DGKB: variants seen among roughly 807,000 people sequenced by gnomAD.
DGKB encodes diacylglycerol kinase beta.
Under a neutral mutation model 114.3 loss-of-function variants are expected in DGKB, and 67 were observed. That is an observed-to-expected ratio of 0.59 (90% CI 0.48 to 0.72). The LOEUF (loss-of-function observed/expected upper bound fraction) is 0.72. Ranked by LOEUF, DGKB falls within the 30% of genes least tolerant of loss-of-function variation. The pLI, the probability that DGKB is intolerant of heterozygous loss-of-function variation, is 0.00. For missense variants in DGKB, 907 were observed against 975.2 expected (o/e 0.93, Z 0.93); for synonymous variants, 398 against 323.1 (o/e 1.23, Z -2.49).
intron 23 of DGKB, among the ~76,000 whole-genome samples, chr7:14,228,916 A>G (rs1211283157): frequency 1.2e-5 from 1 of 82,808 alleles, no homozygotes; most frequent in East Asian, 5.6e-4. Flanking sequence ...GTTCAAAAAT[A>G]ATTTGCTGTG....
rs114790736 is a variant in DGKB at position 14,279,517 on chromosome 7, G to T, written c.2122+58998C>A. ...TTTGGAGAGAGCGGTGGTTCTCCCA[G>T]TACGCAGCTGGAGATGAAATTCTGG... On this transcript the variant is annotated intron_variant, in intron 23 of 25. Transcript: ENST00000402815. 1.9e-3 allele frequency among the ~76,000 whole-genome samples: 286 copies of T among 152,342 alleles called. 3 individuals are homozygous for T. Among genetic ancestry groups the T allele is most frequent in the African/African-American group, 6.4e-3 (266 of 41,588 alleles).
At chr7:14,468,926 A>G (rs183745341) in intron 21 of DGKB, among the ~76,000 whole-genome samples, 1 of 152,236 alleles carries the variant, frequency 6.6e-6, no homozygotes, top group Admixed American at 6.5e-5. Context: ...AACCCTAGGA[A>G]TCGAAAGGCA....
intron 5 of DGKB, among the ~76,000 whole-genome samples, chr7:14,729,288 A>T (rs1488905328): frequency 2.3e-5 from 3 of 131,842 alleles, no homozygotes; most frequent in African/African-American, 5.1e-5. Context: ...ACATCCGGCT[A>T]ATTTTTTGTA....
chr7:14,548,140 A>G (rs1417187234), intron 20 of DGKB, among the ~76,000 whole-genome samples: 1 of 152,188 alleles, frequency 6.6e-6, no homozygotes, highest in Non-Finnish European at 1.5e-5. Flanking sequence ...GAGCTAAAGA[A>G]GTCTGTCTAG....
At chr7:14,154,348 G>C (rs1424673912) in intron 25 of DGKB, among the ~76,000 whole-genome samples, 1 of 151,796 alleles carries the variant, frequency 6.6e-6, no homozygotes, top group Non-Finnish European at 1.5e-5. Flanking sequence ...ATTTTTTATT[G>C]ATTTAAACAA....
chr7:14,722,470 C>A (rs913112357), intron 5 of DGKB, among the ~76,000 whole-genome samples: 4 of 152,014 alleles, frequency 2.6e-5, no homozygotes, highest in Non-Finnish European at 4.4e-5. Context: ...TCTGGATGTA[C>A]TACAGTTTAT....
chr7:14,624,418 A>G (rs1398890081), intron 14 of DGKB, among the ~76,000 whole-genome samples: 2 of 152,198 alleles, frequency 1.3e-5, no homozygotes, highest in Non-Finnish European at 2.9e-5. Flanking sequence ...ATAAAATTCA[A>G]TTTGATTAGT....
chr7:14,752,873 C>T (rs1468299295), intron 4 of DGKB, among the ~76,000 whole-genome samples: 2 of 152,032 alleles, frequency 1.3e-5, no homozygotes, highest in African/African-American at 4.8e-5. Context: ...GAAAACAAAT[C>T]ATTTACTCCA....
At chr7:14,793,168 T>C (rs1410094888) in intron 2 of DGKB, among the ~76,000 whole-genome samples, 3 of 152,104 alleles carry the variant, frequency 2.0e-5, no homozygotes, top group Admixed American at 6.6e-5. Context: ...TAATAACAAT[T>C]CTACATAAAT....
chr7:14,382,381 T>G (rs1305369623), intron 21 of DGKB, among the ~76,000 whole-genome samples: 1 of 15,306 alleles, frequency 6.5e-5, no homozygotes, highest in Admixed American at 5.5e-4. Context: ...AATACATAGT[T>G]TTTTTTTTTT....
intron 23 of DGKB, among the ~76,000 whole-genome samples, chr7:14,209,867 A>G (rs1787471826): frequency 6.7e-6 from 1 of 149,230 alleles, no homozygotes; most frequent in Non-Finnish European, 1.5e-5. Flanking sequence ...TATCTGGCAA[A>G]TTGAAAAGGT....
chr7:14,247,189 A>G (rs1794609242), intron 23 of DGKB, among the ~76,000 whole-genome samples: 1 of 152,160 alleles, frequency 6.6e-6, no homozygotes, highest in South Asian at 2.1e-4. Context: ...AGGCTGAAAA[A>G]TATTCCACTG....
At chr7:14,232,906 A>G (rs1482963724) in intron 23 of DGKB, among the ~76,000 whole-genome samples, 36 of 152,044 alleles carry the variant, frequency 2.4e-4, no homozygotes, top group Admixed American at 2.3e-3. Context: ...AAACTTCTTT[A>G]CAAGCTCTAA....
At chr7:14,745,700 G>A (rs2128420758) in intron 4 of DGKB, among the ~76,000 whole-genome samples, 1 of 152,302 alleles carries the variant, frequency 6.6e-6, no homozygotes, top group East Asian at 1.9e-4. Context: ...GTGGTGGCCT[G>A]GTATTCAATT....
At chr7:14,695,606 T>C (rs1164144014) in intron 8 of DGKB, among the ~76,000 whole-genome samples, 1 of 146,770 alleles carries the variant, frequency 6.8e-6, no homozygotes, top group Non-Finnish European at 1.5e-5. Flanking sequence ...TTCACGCCAT[T>C]CTCCTGCCTC....
chr7:14,203,749 A>C (rs1786292384), intron 23 of DGKB, among the ~76,000 whole-genome samples: 1 of 152,012 alleles, frequency 6.6e-6, no homozygotes, highest in Admixed American at 6.6e-5. Context: ...GAGTTTGTTC[A>C]GATAGGATAA....
At chr7:14,461,717 G>A (rs1833108194) in intron 21 of DGKB, among the ~76,000 whole-genome samples, 1 of 151,860 alleles carries the variant, frequency 6.6e-6, no homozygotes, top group African/African-American at 2.4e-5. Flanking sequence ...ACTATTCCAG[G>A]TGATAGAAAA....
chr7:14,424,982 C>T (rs953408442), intron 21 of DGKB, among the ~76,000 whole-genome samples: 1 of 152,066 alleles, frequency 6.6e-6, no homozygotes, highest in African/African-American at 2.4e-5. Flanking sequence ...ACTCAAGTCT[C>T]ACATAAATAC....
chr7:14,919,539 A>T (rs1425924975), intron 1 of DGKB, among the ~76,000 whole-genome samples: 1 of 152,232 alleles, frequency 6.6e-6, no homozygotes, highest in Non-Finnish European at 1.5e-5. Flanking sequence ...AATCATTGAT[A>T]TCCCTTGGAT....
Sources: gnomAD v4.1 joint callset for allele counts (sites outside exome capture counted in the v4.1 genomes callset) on GRCh38, gnomAD v4.1.1 for gene constraint, MANE v1.5 for transcripts, NCBI Gene and HGNC (gene_info 2026-07-23, HGNC 2026-07-21) for gene names.